AQP9: variants seen among roughly 807,000 people sequenced by gnomAD.
AQP9 encodes the protein aquaporin-9.
A neutral mutation model predicts 23.8 loss-of-function variants in AQP9; 19 were observed. That is an observed-to-expected ratio of 0.80 (90% CI 0.56 to 1.17). AQP9 has a LOEUF of 1.17. AQP9 is among the 50% of genes most tolerant of loss of function. AQP9 has a pLI of 0.00. For missense variants in AQP9, 413 were observed against 362.0 expected (o/e 1.14, Z -1.14); for synonymous variants, 153 against 131.5 (o/e 1.16, Z -1.12).
rs148904708 is a variant in AQP9, at chr15:58,182,065, A to C, written c.714-1896A>C. On this transcript the variant is annotated intron_variant, in intron 5 of 5. Coordinates refer to ENST00000219919, the MANE Select transcript of AQP9 (RefSeq NM_020980.5). ...GAACGGCAAGCAGTGGAATGATGGC[A>C]GGTACAGCGAGATGCCAGAGGGTTT... Among the ~76,000 whole-genome samples the C allele has an allele frequency of 5.1e-4, 77 of 152,298 alleles. 1 individual carries two copies. The East Asian group carries it at 0.013, about 25-fold the overall frequency.
chr15:58,176,821 G>A (rs1305315021), intron 4 of AQP9, among the ~76,000 whole-genome samples: 1 of 151,938 alleles, frequency 6.6e-6, no homozygotes, highest in African/African-American at 2.4e-5. Flanking sequence ...ATGTTGGCCA[G>A]ACTGGTCTCG....
intron 5 of AQP9, 45 bp from the exon 6 acceptor site, chr15:58,183,916 G>C (rs3742957): frequency 1.2e-6 from 2 of 1,602,276 alleles, no homozygotes; most frequent in East Asian, 4.5e-5. Flanking sequence ...GTAATACCAG[G>C]AGGAAGGCCA....
At chr15:58,138,921 T>G in intron 1 of AQP9, 1 of 404,914 alleles carries the variant, frequency 2.5e-6, no homozygotes, top group East Asian at 4.6e-5. Context: ...GTGAGTGAAG[T>G]GCCTTCTTTA....
intron 1 of AQP9, among the ~76,000 whole-genome samples, chr15:58,149,980 G>A (rs1175251614): frequency 6.6e-6 from 1 of 152,222 alleles, no homozygotes; most frequent in African/African-American, 2.4e-5. Context: ...CCCAGCCCAG[G>A]TGTGTTATCA....
chr15:58,162,720 C>T (rs1246907373), intron 1 of AQP9, among the ~76,000 whole-genome samples: 1 of 152,138 alleles, frequency 6.6e-6, no homozygotes, highest in African/African-American at 2.4e-5. Context: ...AGAAGCCAGG[C>T]CCCACGGAGA....
chr15:58,163,688 TAAG>T (rs1566986260), intron 1 of AQP9, among the ~76,000 whole-genome samples: 1 of 152,040 alleles, frequency 6.6e-6, no homozygotes, highest in East Asian at 1.9e-4. Flanking sequence ...TTTTTGAGTC[TAAG>T]AAGGGAAAGG....
rs1425576365 is a variant in AQP9 at position 58,185,768 on chromosome 15, C to A, written c.*1633C>A. 6.6e-6 allele frequency: 1 copy of A among 152,222 alleles called. No individual in the cohort carries two copies. The allele number at this position is 152,222 out of a possible 1,614,324, so 9.4% of individuals were successfully genotyped here. ...CATTAGGTTTCCCAACTGCTTTGTG[C>A]TGATATCAGAACAGCAGAAATTAAA... On this transcript the variant is annotated 3_prime_UTR_variant, in exon 6 of 6. Coordinates refer to ENST00000219919, the MANE Select transcript of AQP9 (RefSeq NM_020980.5).
At chr15:58,174,658 C>T (rs1361825127) in intron 3 of AQP9, among the ~76,000 whole-genome samples, 1 of 152,240 alleles carries the variant, frequency 6.6e-6, no homozygotes, top group Non-Finnish European at 1.5e-5. Context: ...AACTCATTCC[C>T]AGGACCCTAT....
chr15:58,145,951 C>T (rs1898037182), intron 1 of AQP9, among the ~76,000 whole-genome samples: 1 of 152,192 alleles, frequency 6.6e-6, no homozygotes, highest in Non-Finnish European at 1.5e-5. Context: ...GTGTCTCTGT[C>T]ATTTTTCCAA....
intron 1 of AQP9, among the ~76,000 whole-genome samples, chr15:58,161,407 A>G (rs1250070786): frequency 6.6e-6 from 1 of 152,078 alleles, no homozygotes; most frequent in African/African-American, 2.4e-5. Flanking sequence ...AAAAGCATTT[A>G]TCTTTCTATT....
chr15:58,178,398 A>T (rs981070103), intron 4 of AQP9, among the ~76,000 whole-genome samples: 1 of 152,242 alleles, frequency 6.6e-6, no homozygotes, highest in Non-Finnish European at 1.5e-5. Context: ...AAATTTTGCT[A>T]AAGTGGACAT....
intron 4 of AQP9, among the ~76,000 whole-genome samples, chr15:58,176,792 G>A (rs1341721395): frequency 1.3e-5 from 2 of 151,858 alleles, no homozygotes; most frequent in African/African-American, 4.8e-5. Flanking sequence ...TGTATTTTTA[G>A]TAGAGACGGG....
At chr15:58,173,606 G>A (rs1898673943) in intron 3 of AQP9, among the ~76,000 whole-genome samples, 1 of 152,190 alleles carries the variant, frequency 6.6e-6, no homozygotes, top group Admixed American at 6.5e-5. Flanking sequence ...TTTGAAGGAA[G>A]AGACACAGCA....
chr15:58,183,855 G>C (rs1898947255), intron 5 of AQP9, 106 bp from the exon 6 acceptor site: 1 of 1,322,220 alleles, frequency 7.6e-7, no homozygotes, highest in African/African-American at 1.5e-5. Context: ...GCTGAGTTAA[G>C]AGGGAACCAT....
chr15:58,182,360 C>G lies in AQP9; in HGVS notation c.714-1601C>G, dbSNP rs74016585. On this transcript the variant is annotated intron_variant, in intron 5 of 5. Coordinates refer to ENST00000219919, the MANE Select transcript of AQP9 (RefSeq NM_020980.5). Reference sequence around the variant, plus strand: ...GATCACTATTTGTGTGCATATAGGACTAGGCTAGGCAGGTAACCACATCTG... The same window carrying G: ...GATCACTATTTGTGTGCATATAGGAGTAGGCTAGGCAGGTAACCACATCTG... 9.9e-3 allele frequency among the ~76,000 whole-genome samples: 1,500 copies of G among 152,222 alleles called. 18 individuals are homozygous for G. The highest frequency in any genetic ancestry group is 0.035 in the African/African-American group (1,433 of 41,510).
intron 1 of AQP9, chr15:58,138,908 G>C (rs1476392314): frequency 7.5e-5 from 33 of 442,470 alleles, no homozygotes; most frequent in Non-Finnish European, 1.1e-4. Flanking sequence ...TGGAAGAGAA[G>C]GAGTGAGTGA....
At chr15:58,145,429 G>A (rs1421657282) in intron 1 of AQP9, among the ~76,000 whole-genome samples, 2 of 151,646 alleles carry the variant, frequency 1.3e-5, no homozygotes, top group African/African-American at 4.9e-5. Context: ...CTTGAACCTG[G>A]GAGGCGGAGA....
chr15:58,161,978 A>G (rs1168042512), intron 1 of AQP9, among the ~76,000 whole-genome samples: 2 of 151,736 alleles, frequency 1.3e-5, no homozygotes, highest in Non-Finnish European at 2.9e-5. Flanking sequence ...TGTTACAGAG[A>G]AAAAAAAAGT....
At chr15:58,182,802 C>T (rs545606532) in intron 5 of AQP9, among the ~76,000 whole-genome samples, 3 of 152,178 alleles carry the variant, frequency 2.0e-5, no homozygotes, top group South Asian at 2.1e-4. Flanking sequence ...TGGAGGACTT[C>T]GGAGACCACT....
Sources: gnomAD v4.1 joint callset for allele counts (sites outside exome capture counted in the v4.1 genomes callset) on GRCh38, gnomAD v4.1.1 for gene constraint, MANE v1.5 for transcripts, NCBI Gene and HGNC (gene_info 2026-07-23, HGNC 2026-07-21) for gene names.